The following TP53BP1 variants were observed in gnomAD, a reference collection of about 807,000 sequenced individuals.
TP53BP1 encodes the protein tumor protein p53 binding protein 1.
In TP53BP1, 61 loss-of-function variants were observed where a neutral mutation model predicts 200.8. That is an observed-to-expected ratio of 0.30 (90% CI 0.25 to 0.38). The LOEUF (loss-of-function observed/expected upper bound fraction) is 0.38. TP53BP1 is among the 10% of genes least tolerant of loss of function. The probability of loss-of-function intolerance (pLI) is 1.00; values close to 1 mark genes in which losing one functional copy is unlikely to be tolerated. For synonymous variants in TP53BP1, 822 were observed against 844.3 expected, an observed-to-expected ratio of 0.97 and a Z score of 0.46; for missense variants, 2,144 against 2,371.9, an observed-to-expected ratio of 0.90 and a Z score of 2.00.
Position 43,406,995 on chromosome 15 carries a change from C to T in TP53BP1, c.*388G>A, listed in dbSNP as rs1393432895. On this transcript the variant is annotated 3_prime_UTR_variant, in exon 28 of 28. Transcript: ENST00000382044. ...GCACAACTGTTAATCTGGGCCTTCA[C>T]CTACCTTAAACTGAGTTTCTGCAAG... The T allele has an allele frequency of 1.3e-5, 3 of 234,872 alleles. No individual in the cohort carries two copies. The highest frequency in any genetic ancestry group is 2.2e-4 in the East Asian group (2 of 9,238). 14.5% of individuals were successfully genotyped at this position (234,872 alleles called of 1,614,324 possible). A position where few individuals can be genotyped will look rare whatever the true frequency, so the allele number is the denominator to read the frequency against.
At chr15:43,484,226 A>C (rs938861879) in intron 4 of TP53BP1, among the ~76,000 whole-genome samples, 1 of 152,178 alleles carries the variant, frequency 6.6e-6, no homozygotes, top group Non-Finnish European at 1.5e-5. Context: ...TTGAAGCAAA[A>C]CAAACCTGGA....
upstream of TP53BP1, among the ~76,000 whole-genome samples, chr15:43,496,849 G>C (rs1055398677): frequency 6.6e-6 from 1 of 151,928 alleles, no homozygotes; most frequent in Non-Finnish European, 1.5e-5. Flanking sequence ...CTCGAACTCC[G>C]GCCTCAGGTG....
chr15:43,501,142 A>C (rs2079207408), intron 1 of TP53BP1, among the ~76,000 whole-genome samples: 1 of 151,780 alleles, frequency 6.6e-6, no homozygotes, highest in Admixed American at 6.6e-5. Context: ...ATTTTTAGTG[A>C]CTGATATTTT....
intron 4 of TP53BP1, among the ~76,000 whole-genome samples, chr15:43,486,027 G>A (rs1273022462): frequency 6.6e-6 from 1 of 152,008 alleles, no homozygotes; most frequent in East Asian, 1.9e-4. Context: ...TGTAAACGGA[G>A]CCAGAAGAAT....
At chr15:43,448,888 A>C (rs2046102679) in intron 12 of TP53BP1, among the ~76,000 whole-genome samples, 1 of 152,204 alleles carries the variant, frequency 6.6e-6, no homozygotes, top group Non-Finnish European at 1.5e-5. Context: ...ACACTTTGGG[A>C]GACGAAGGCG....
At position 43,403,928 on chromosome 15, in the gene TP53BP1, C is replaced by A. The variant is rs978480095; in HGVS notation, c.*3455G>T. 3 of 672,752 alleles carry A rather than the reference C, an allele frequency of 4.5e-6. No individual in the cohort carries two copies. The highest frequency in any genetic ancestry group is 1.8e-5 in the South Asian group (1 of 54,634). The allele number at this position is 672,752 out of a possible 1,614,324, so 41.7% of individuals were successfully genotyped here. A position where few individuals can be genotyped will look rare whatever the true frequency, so the allele number is the denominator to read the frequency against. ...TACACACACGTACAGAGATAAGATA[C>A]AAAGATAAAAATGTTGGTATCAGTT... On this transcript the variant is annotated 3_prime_UTR_variant, in exon 28 of 28. Coordinates refer to ENST00000382044, the MANE Select transcript of TP53BP1 (RefSeq NM_001141980.3).
chr15:43,509,787 T>C (rs1219406299), intron 1 of TP53BP1, among the ~76,000 whole-genome samples: 8 of 152,114 alleles, frequency 5.3e-5, no homozygotes, highest in Non-Finnish European at 1.0e-4. Context: ...TGATACTGTG[T>C]TCCTTTCTTT....
chr15:43,439,525 G>C (rs1164621307), intron 15 of TP53BP1, among the ~76,000 whole-genome samples: 2 of 152,168 alleles, frequency 1.3e-5, no homozygotes, highest in Admixed American at 1.3e-4. Flanking sequence ...GACAAAGTGA[G>C]ACCCTGTCTC....
At position 43,479,517 on chromosome 15, in the gene TP53BP1, T is replaced by G; in HGVS notation, c.668A>C (p.His223Pro). The change falls in exon 7 of 28, where the codon CAT (histidine) becomes CCT (proline). Residue 223 changes from histidine to proline, a missense_variant. His to Pro is a moderately conservative substitution (Grantham distance 77, BLOSUM62 -2). Transcript: ENST00000382044. ...SDVDANTAIK[H>P]EEQSNEDIPI... ...GATATCTTCGTTGGACTGTTCTTCA[T>G]GCTTAATTGCTGAGAGTTTTATAAA... The G allele has an allele frequency of 6.2e-7, 1 of 1,608,344 alleles. No individual in the cohort carries two copies. The highest frequency in any genetic ancestry group is 1.7e-4 in the Middle Eastern group (1 of 6,048).
chr15:43,441,521 G>C lies in TP53BP1; in HGVS notation c.3098+5C>G. On this transcript the variant is annotated splice_donor_5th_base_variant and intron_variant, in intron 15 of 27. Transcript: ENST00000382044. ...AAACTCTAAATAGCATCCAGCTTTGGTTACCTGGCAACAGACTCAGCAACA... is the reference window on the plus strand; with the variant it reads ...AAACTCTAAATAGCATCCAGCTTTGCTTACCTGGCAACAGACTCAGCAACA... 1 of 1,607,350 alleles carries C rather than the reference G, an allele frequency of 6.2e-7. No individual in the cohort carries two copies. Among genetic ancestry groups the C allele is most frequent in the East Asian group, 2.2e-5 (1 of 44,826 alleles).
chr15:43,449,920 GA>G (rs1428431459), intron 12 of TP53BP1, among the ~76,000 whole-genome samples: 1 of 152,060 alleles, frequency 6.6e-6, no homozygotes, highest in Non-Finnish European at 1.5e-5. Flanking sequence ...CCCTCATCTG[GA>G]AAACACCACA....
At chr15:43,432,698 G>A (rs1178221058) in intron 16 of TP53BP1, 21 bp from the exon 17 acceptor site, 1 of 1,584,738 alleles carries the variant, frequency 6.3e-7, no homozygotes, top group Non-Finnish European at 8.6e-7. Flanking sequence ...AACATATAAA[G>A]AAGCCATGTC....
chr15:43,438,479 A>G, intron 15 of TP53BP1, 63 bp from the exon 16 acceptor site: 3 of 1,389,326 alleles, frequency 2.2e-6, no homozygotes, highest in Non-Finnish European at 3.0e-6. Flanking sequence ...TTTGGAGATT[A>G]TCCTTTTATG....
chr15:43,421,316 C>G, intron 19 of TP53BP1, 142 bp from the exon 20 acceptor site: 1 of 772,414 alleles, frequency 1.3e-6, no homozygotes, highest in Non-Finnish European at 2.1e-6. Context: ...CACACACCCA[C>G]CACCAAAATC....
At position 43,469,839 on chromosome 15, in the gene TP53BP1, C is replaced by T. The variant is rs2046680306; in HGVS notation, c.1389+19G>A. The T allele has an allele frequency of 6.3e-7, 1 of 1,592,140 alleles. No homozygotes were observed. Among genetic ancestry groups the T allele is most frequent in the South Asian group, 1.1e-5 (1 of 90,442 alleles). ...TAAAAAAATATGTTAGGAGAAACAA[C>T]TCTTTTTACAATACTCACATGAGAA... On this transcript the variant is annotated intron_variant, in intron 11 of 27. Transcript: ENST00000382044.
intron 10 of TP53BP1, among the ~76,000 whole-genome samples, chr15:43,474,455 C>CAAAAAAA (rs398043214): frequency 6.3e-5 from 5 of 79,130 alleles, no homozygotes; most frequent in East Asian, 3.1e-4. Context: ...TGGGGTTAGA[C>CAAAAAAA]AAAAAAAAAA....
chr15:43,433,742 A>G (rs974751932), intron 16 of TP53BP1, among the ~76,000 whole-genome samples: 14 of 152,234 alleles, frequency 9.2e-5, no homozygotes, highest in Non-Finnish European at 1.8e-4. Context: ...AGTTCTCGGC[A>G]TGACAGTTTA....
Position 43,406,097 on chromosome 15 carries a change from A to G in TP53BP1, c.*1286T>C, listed in dbSNP as rs1465914311. ...TTCTCCAAGAAAAAGGTCCTTAAGA[A>G]AAAATTGAGATCAAGTTGTTAGATT... On this transcript the variant is annotated 3_prime_UTR_variant, in exon 28 of 28. Coordinates refer to ENST00000382044, the MANE Select transcript of TP53BP1 (RefSeq NM_001141980.3). 2 of 152,108 alleles carry G rather than the reference A, an allele frequency of 1.3e-5. No homozygotes were observed. Among genetic ancestry groups the G allele is most frequent in the Non-Finnish European group, 2.9e-5 (2 of 68,048 alleles). 9.4% of individuals were successfully genotyped at this position (152,108 alleles called of 1,614,324 possible).
At chr15:43,430,407 T>C (rs1429864641) in intron 17 of TP53BP1, among the ~76,000 whole-genome samples, 1 of 152,108 alleles carries the variant, frequency 6.6e-6, no homozygotes, top group Non-Finnish European at 1.5e-5. Flanking sequence ...ATCTATATAT[T>C]TTTACTATGG....
Sources: allele counts gnomAD v4.1 joint callset (sites outside exome capture counted in the v4.1 genomes callset), GRCh38; gene constraint gnomAD v4.1.1; transcripts MANE v1.5; gene names NCBI Gene and HGNC (gene_info 2026-07-23, HGNC 2026-07-21).